Variants in TECPR2 observed in about 807,000 individuals in gnomAD.
TECPR2 encodes the protein tectonin beta-propeller repeat-containing protein 2.
In TECPR2, 65 loss-of-function variants were observed where a neutral mutation model predicts 138.1. That is an observed-to-expected ratio of 0.47 (90% CI 0.39 to 0.58). The LOEUF is 0.58. TECPR2 is among the 20% of genes least tolerant of loss of function. TECPR2 has a pLI of 0.00. For missense variants in TECPR2, 1,553 were observed against 1,824.5 expected (o/e 0.85, Z 2.71); for synonymous variants, 746 against 749.8 (o/e 0.99, Z 0.08).
chr14:102,434,798 G>C lies in TECPR2; in HGVS notation c.1981G>C (p.Glu661Gln). 1 of 1,613,406 alleles carries C rather than the reference G, an allele frequency of 6.2e-7. No individual in the cohort carries two copies. Among genetic ancestry groups the C allele is most frequent in the South Asian group, 1.1e-5 (1 of 91,074 alleles). Reference sequence around the variant, plus strand: ...CAGCCTCAGCTGGGCCCCAAGTGCTGAACAGTGGCTGCCTGGGACCAGAGC... The same window carrying C: ...CAGCCTCAGCTGGGCCCCAAGTGCTCAACAGTGGCTGCCTGGGACCAGAGC... ...PSSLSWAPSAEQWLPGTRADE... is the reference protein window; with the variant it reads ...PSSLSWAPSAQQWLPGTRADE... The change falls in exon 9 of 20, where the codon GAA becomes CAA. Residue 661 changes from glutamate (E) to glutamine (Q), a missense_variant. Transcript: ENST00000359520.
chr14:102,435,361 A>G (rs1889636793), intron 9 of TECPR2, 150 bp downstream of exon 9: 5 of 1,235,790 alleles, frequency 4.0e-6, no homozygotes, highest in Non-Finnish European at 4.4e-6. Flanking sequence ...TCTGGGTTTC[A>G]GGGGATTTCC....
chr14:102,408,916 C>T (rs1279629207), intron 4 of TECPR2, among the ~76,000 whole-genome samples: 1 of 152,120 alleles, frequency 6.6e-6, no homozygotes, highest in African/African-American at 2.4e-5. Flanking sequence ...GGAGTGATGC[C>T]AAGCACTTCT....
chr14:102,377,486 C>T (rs1887671845), intron 2 of TECPR2, among the ~76,000 whole-genome samples: 1 of 152,160 alleles, frequency 6.6e-6, no homozygotes, highest in Admixed American at 6.5e-5. Flanking sequence ...GAGAATATCA[C>T]CTGAGGTCAG....
Position 102,419,656 on chromosome 14 carries a change from C to A in TECPR2, c.638+4863C>A, listed in dbSNP as rs1304161518. 6.6e-6 allele frequency among the ~76,000 whole-genome samples: 1 copy of A among 152,096 alleles called. No homozygotes were observed. The highest frequency in any genetic ancestry group is 1.5e-5 in the Non-Finnish European group (1 of 67,990). The stretch of plus-strand genomic sequence containing the variant: ...GGCCCAGAGGTAGAAGACGAGGGGT[C>A]CTCTTCCCGTCGAGTCCGTGAACCT... On this transcript the variant is annotated intron_variant, in intron 5 of 19. Transcript: ENST00000359520. This position sits in a 1 kb window ranked among gnomAD's most constrained non-coding sequence, Gnocchi z 4.8.
At chr14:102,417,221 A>C (rs774702505) in intron 5 of TECPR2, among the ~76,000 whole-genome samples, 8 of 152,262 alleles carry the variant, frequency 5.3e-5, no homozygotes, top group Non-Finnish European at 1.0e-4. Context: ...GAGGGCTAAC[A>C]GAATAAGAGG....
At chr14:102,377,008 C>T (rs1200510209) in intron 2 of TECPR2, 68 bp downstream of exon 2, 56 of 1,491,998 alleles carry the variant, frequency 3.8e-5, no homozygotes, top group Non-Finnish European at 4.7e-5. Flanking sequence ...TGCTTGTGTT[C>T]TAGGATGAGA....
chr14:102,458,758 G>T (rs779361819), intron 16 of TECPR2, among the ~76,000 whole-genome samples: 1 of 151,670 alleles, frequency 6.6e-6, no homozygotes, highest in African/African-American at 2.4e-5. Context: ...AGTTGAGATC[G>T]CACCTCCCCA....
At chr14:102,444,751 A>G (rs1595129890) in intron 12 of TECPR2, among the ~76,000 whole-genome samples, 1 of 152,192 alleles carries the variant, frequency 6.6e-6, no homozygotes, top group East Asian at 1.9e-4. Context: ...AGGCAGGCGG[A>G]TCACGAGGTC....
At chr14:102,436,244 T>G (rs1889666997) in intron 9 of TECPR2, among the ~76,000 whole-genome samples, 1 of 151,974 alleles carries the variant, frequency 6.6e-6, no homozygotes, top group Non-Finnish European at 1.5e-5. Flanking sequence ...CTGTCATGCC[T>G]CAGAAGTGAA....
Position 102,438,035 on chromosome 14 carries a change from G to A in TECPR2, c.2408G>A (p.Trp803Ter). Reference sequence around the variant, plus strand: ...TTCCCTTGTTAGTTTGCAGAAAGCTGGATGGGCTACTCGGGTCCCGGCTAT... The same window carrying A: ...TTCCCTTGTTAGTTTGCAGAAAGCTAGATGGGCTACTCGGGTCCCGGCTAT... Reference protein sequence around the residue: ...LLKPDQFAESWMGYSGPGYGI... With the variant: ...LLKPDQFAES Residue 803 changes from tryptophan to a stop codon, truncating the protein, a stop_gained, in exon 10 of 20, where the codon TGG (tryptophan) becomes TAG (stop). Coordinates refer to ENST00000359520, the MANE Select transcript of TECPR2 (RefSeq NM_014844.5). LOFTEE classifies it high-confidence loss of function. The A allele has an allele frequency of 6.2e-7, 1 of 1,613,824 alleles. No homozygotes were observed. The highest frequency in any genetic ancestry group is 8.5e-7 in the Non-Finnish European group (1 of 1,179,882).
intron 2 of TECPR2, among the ~76,000 whole-genome samples, chr14:102,381,513 G>A (rs920693468): frequency 2.0e-5 from 3 of 152,236 alleles, no homozygotes; most frequent in African/African-American, 7.2e-5. Flanking sequence ...GGCAGAGGCT[G>A]CAGTAAGCTA....
Position 102,498,877 on chromosome 14 carries a change from CCTCACCTCACACCACAG to C in TECPR2, c.*622_*638del. ...CATGCACACCACAACACACAACACA[CCTCACCTCACACCACAG>C]CACACCTCACCACACCACACCGCAC... is the stretch of plus-strand genomic sequence containing the variant. On this transcript the variant is annotated 3_prime_UTR_variant, in exon 20 of 20. Coordinates refer to ENST00000359520, the MANE Select transcript of TECPR2 (RefSeq NM_014844.5). The C allele has an allele frequency of 1.5e-6, 1 of 668,422 alleles. No individual in the cohort carries two copies. Among genetic ancestry groups the C allele is most frequent in the South Asian group, 1.5e-5 (1 of 66,354 alleles). The allele number at this position is 668,422 out of a possible 1,614,324, so 41.4% of individuals were successfully genotyped here.
At chr14:102,485,143 G>T (rs1485324483) in intron 17 of TECPR2, among the ~76,000 whole-genome samples, 2 of 152,194 alleles carry the variant, frequency 1.3e-5, no homozygotes, top group Non-Finnish European at 2.9e-5. Context: ...TCACCTCCAC[G>T]GTTCTGGTAT....
chr14:102,409,304 AT>A (rs545807038), intron 4 of TECPR2, among the ~76,000 whole-genome samples: 5,789 of 144,692 alleles, frequency 0.04, 114 homozygotes, highest in Middle Eastern at 0.096. Context: ...GAATTCAGCA[AT>A]TTTTTTTTTT....
Position 102,498,163 on chromosome 14 carries a change from C to T in TECPR2, c.4142C>T (p.Thr1381Ile), listed in dbSNP as rs1431519415. 1.2e-6 allele frequency: 2 copies of T among 1,612,818 alleles called. No homozygotes were observed. The highest frequency in any genetic ancestry group is 2.2e-5 in the East Asian group (1 of 44,896). The change falls in exon 20 of 20, where the codon ACA becomes ATA. Residue 1381 changes from threonine to isoleucine, a missense_variant. Physicochemically the swap from Thr to Ile is moderately conservative, Grantham distance 89. Transcript: ENST00000359520. ...GPPGYLLQRL[T>I]KTFSHSHGTQ... Reference sequence around the variant, plus strand: ...CCCGGCTACCTCCTCCAACGGCTGACAAAGACGTTCAGCCACTCGCACGGC... The same window carrying T: ...CCCGGCTACCTCCTCCAACGGCTGATAAAGACGTTCAGCCACTCGCACGGC...
intron 2 of TECPR2, among the ~76,000 whole-genome samples, chr14:102,392,896 A>T (rs1475275594): frequency 6.6e-6 from 1 of 152,256 alleles, no homozygotes; most frequent in Non-Finnish European, 1.5e-5. Context: ...GGGCAGGCTT[A>T]TGATGACACA....
chr14:102,440,987 C>A (rs1889813292), intron 11 of TECPR2, among the ~76,000 whole-genome samples: 1 of 151,740 alleles, frequency 6.6e-6, no homozygotes, highest in African/African-American at 2.4e-5. Flanking sequence ...TAAGTGGCTG[C>A]ATTTTTTTTT....
chr14:102,397,853 A>G (rs941680894), intron 2 of TECPR2, among the ~76,000 whole-genome samples: 1 of 152,090 alleles, frequency 6.6e-6, no homozygotes, highest in African/African-American at 2.4e-5. Context: ...AGATCAGTTG[A>G]GTCCAGGAGT....
chr14:102,398,534 A>C (rs1488452512), intron 2 of TECPR2, among the ~76,000 whole-genome samples: 1 of 152,144 alleles, frequency 6.6e-6, no homozygotes, highest in Non-Finnish European at 1.5e-5. Context: ...CCACACCAAG[A>C]CACATTACAA....
Sources: gnomAD v4.1 joint callset for allele counts (sites outside exome capture counted in the v4.1 genomes callset) on GRCh38, gnomAD v4.1.1 for gene constraint, Gnocchi (gnomAD v3.1) non-coding constraint, MANE v1.5 for transcripts, NCBI Gene and HGNC (gene_info 2026-07-23, HGNC 2026-07-21) for gene names.